Variants in ARHGAP39 observed in about 807,000 individuals in gnomAD.
The protein encoded by ARHGAP39 is rho GTPase-activating protein 39.
ARHGAP39 carries 44 observed loss-of-function variants against 106.9 expected under a neutral mutation model. The ratio of observed to expected loss-of-function variants is 0.41; its 90% CI spans 0.32 to 0.53. ARHGAP39 has a LOEUF of 0.53. ARHGAP39 is among the 20% of genes least tolerant of loss of function. The pLI, the probability that ARHGAP39 is intolerant of heterozygous loss-of-function variation, is 0.21. For missense variants in ARHGAP39, 1,496 were observed against 1,577.3 expected, an observed-to-expected ratio of 0.95 and a Z score of 0.87; for synonymous variants, 768 against 693.2, an observed-to-expected ratio of 1.11 and a Z score of -1.69.
chr8:144,537,638 A>C, intron 7 of ARHGAP39, 83 bp downstream of exon 7: 3 of 1,017,320 alleles, frequency 2.9e-6, no homozygotes, highest in Non-Finnish European at 4.5e-6. Context: ...AGAAGCGGTT[A>C]GAGAAGAGAA....
At chr8:144,602,574 CTG>C (rs1820061571) in intron 2 of ARHGAP39, among the ~76,000 whole-genome samples, 1 of 126,868 alleles carries the variant, frequency 7.9e-6, no homozygotes, top group African/African-American at 3.1e-5. Flanking sequence ...GCTCGTGTAC[CTG>C]TGTGCATGTG....
intron 1 of ARHGAP39, among the ~76,000 whole-genome samples, chr8:144,643,542 G>A (rs962413145): frequency 7.2e-5 from 11 of 152,054 alleles, no homozygotes; most frequent in South Asian, 2.1e-4. Context: ...TTCTCACCCC[G>A]CATGTCCCCA....
intron 1 of ARHGAP39, among the ~76,000 whole-genome samples, chr8:144,642,404 T>C (rs1342959139): frequency 1.3e-5 from 2 of 152,120 alleles, no homozygotes; most frequent in South Asian, 2.1e-4. Context: ...GGAGAATTGC[T>C]TGAGCCTGGG....
chr8:144,578,853 CA>C (rs1245661076), intron 3 of ARHGAP39, among the ~76,000 whole-genome samples: 2 of 150,714 alleles, frequency 1.3e-5, no homozygotes, highest in African/African-American at 4.9e-5. Context: ...CAAAAACAAA[CA>C]AACAAACAAA....
chr8:144,582,233 G>C (rs1035132266), intron 2 of ARHGAP39, among the ~76,000 whole-genome samples: 2 of 152,240 alleles, frequency 1.3e-5, no homozygotes, highest in African/African-American at 4.8e-5. Context: ...GTCAAGGACA[G>C]AAAGAGCCCC....
At chr8:144,656,890 T>C (rs908074807) in intron 1 of ARHGAP39, among the ~76,000 whole-genome samples, 1 of 148,730 alleles carries the variant, frequency 6.7e-6, no homozygotes, top group Non-Finnish European at 1.5e-5. Context: ...CCAACATTTA[T>C]AAAATGAGTT....
At chr8:144,563,747 C>T (rs916423251) in intron 3 of ARHGAP39, among the ~76,000 whole-genome samples, 2 of 151,966 alleles carry the variant, frequency 1.3e-5, no homozygotes, top group Admixed American at 6.6e-5. Flanking sequence ...GCTGTGATCA[C>T]ACCACTGCAT....
chr8:144,582,529 A>G (rs568727239), intron 2 of ARHGAP39, among the ~76,000 whole-genome samples: 2 of 152,294 alleles, frequency 1.3e-5, no homozygotes, highest in South Asian at 4.1e-4. Flanking sequence ...CTTGCCACCC[A>G]AGCCCTCCTT....
chr8:144,545,701 G>A lies in ARHGAP39; in HGVS notation c.2069C>T (p.Ser690Leu). The change falls in exon 6 of 12, where the codon TCG becomes TTG. Residue 690 changes from serine to leucine, a missense_variant. Physicochemically the swap from Ser to Leu is moderately radical, Grantham distance 145 (BLOSUM62 -2). Around this residue, in one of 4 missense-constraint regions of ARHGAP39, gnomAD observed 470 missense variants for 605.1 expected, o/e 0.78. Coordinates refer to ENST00000377307, the MANE Select transcript of ARHGAP39 (RefSeq NM_025251.3). ...GGCCCAGTTCTCGATGTCCGTCTCC[G>A]AGGAGGGCTTGCGCAGCGTGAAAGT... ...FPTFTLRKPSSETDIENWASK... is the reference protein window; with the variant it reads ...FPTFTLRKPSLETDIENWASK... 1 of 1,613,154 alleles carries A rather than the reference G, an allele frequency of 6.2e-7. No individual in the cohort carries two copies. The highest frequency in any genetic ancestry group is 8.5e-7 in the Non-Finnish European group (1 of 1,180,008).
intron 1 of ARHGAP39, among the ~76,000 whole-genome samples, chr8:144,672,840 T>C (rs908763671): frequency 1.2e-4 from 18 of 152,110 alleles, no homozygotes; most frequent in African/African-American, 4.1e-4. Flanking sequence ...CTGTGCTCAA[T>C]CACACAGGCA....
intron 3 of ARHGAP39, among the ~76,000 whole-genome samples, 165 bp from the exon 4 acceptor site, chr8:144,555,808 C>A (rs1027302977): frequency 6.6e-6 from 1 of 152,262 alleles, no homozygotes; most frequent in African/African-American, 2.4e-5. Flanking sequence ...AGTCCACCTT[C>A]TTCCAGCAGG....
intron 1 of ARHGAP39, among the ~76,000 whole-genome samples, chr8:144,672,252 G>A (rs1822119599): frequency 6.6e-6 from 1 of 152,222 alleles, no homozygotes; most frequent in Admixed American, 6.5e-5. Context: ...TTACACTGCA[G>A]AGGCTTCAGC....
intron 3 of ARHGAP39, among the ~76,000 whole-genome samples, chr8:144,568,678 A>G (rs114994674): frequency 0.011 from 1,670 of 152,324 alleles, 32 homozygotes; most frequent in African/African-American, 0.038. Flanking sequence ...AGAGAAATGG[A>G]GCCTAATAAA....
At chr8:144,593,236 TGCA>T (rs775461408) in intron 2 of ARHGAP39, among the ~76,000 whole-genome samples, 104 of 152,256 alleles carry the variant, frequency 6.8e-4, no homozygotes, top group Admixed American at 1.2e-3. Flanking sequence ...GAGTGCCACG[TGCA>T]TGCCAGACAA....
At chr8:144,614,358 T>TTC in intron 1 of ARHGAP39, among the ~76,000 whole-genome samples, 1 of 151,914 alleles carries the variant, frequency 6.6e-6, no homozygotes, top group East Asian at 1.9e-4. Flanking sequence ...GTTACTATTT[T>TTC]TTTTTTTTTT....
rs77636486 is a variant in ARHGAP39, at chr8:144,641,430, C to A, written c.-81-35735G>T. ...GTAAAGCGAAGCTGACCACCAAGACCCCACCATGCTCACATCGAGGAGGAA... is the reference window on the plus strand; with the variant it reads ...GTAAAGCGAAGCTGACCACCAAGACACCACCATGCTCACATCGAGGAGGAA... On this transcript the variant is annotated intron_variant, in intron 1 of 11. Transcript: ENST00000377307. The surrounding 1 kb of genome is among the most constrained non-coding windows in gnomAD (Gnocchi z 5.2). Among the ~76,000 whole-genome samples the A allele has an allele frequency of 0.02, 3,079 of 152,170 alleles. 207 individuals carry two copies. In the East Asian group the frequency reaches 0.24, roughly 12 times the overall value.
chr8:144,688,504 T>G (rs115555189), upstream of ARHGAP39, among the ~76,000 whole-genome samples: 562 of 152,324 alleles, frequency 3.7e-3, 3 homozygotes, highest in African/African-American at 0.013. Flanking sequence ...CCCATCGTTT[T>G]TCCAGGCTAA....
intron 2 of ARHGAP39, among the ~76,000 whole-genome samples, chr8:144,596,060 C>G (rs1819610043): frequency 6.6e-6 from 1 of 152,172 alleles, no homozygotes; most frequent in South Asian, 2.1e-4. Context: ...ACCCAACAGG[C>G]TGCTCACAAC....
chr8:144,643,518 A>C (rs1255533777), intron 1 of ARHGAP39, among the ~76,000 whole-genome samples: 1 of 152,140 alleles, frequency 6.6e-6, no homozygotes, highest in Non-Finnish European at 1.5e-5. Context: ...CTGCCCCTCC[A>C]GCCACCACTT....
Sources: gnomAD v4.1 joint callset for allele counts (sites outside exome capture counted in the v4.1 genomes callset) on GRCh38, gnomAD v4.1.1 for gene constraint, gnomAD v4.1.1 regional missense constraint, Gnocchi (gnomAD v3.1) non-coding constraint, MANE v1.5 for transcripts, NCBI Gene and HGNC (gene_info 2026-07-23, HGNC 2026-07-21) for gene names.